Variants in RGS22 observed in about 807,000 individuals in gnomAD.
RGS22 encodes regulator of G protein signaling 22.
Under a neutral mutation model 172.9 loss-of-function variants are expected in RGS22, and 148 were observed. The observed-to-expected ratio is 0.86, with a 90% CI of 0.75 to 0.98. The LOEUF is 0.98. Ranked by LOEUF, RGS22 falls within the 50% of genes least tolerant of loss-of-function variation. RGS22 has a pLI of 0.00. For synonymous variants in RGS22, 458 were observed against 480.2 expected (o/e 0.95, Z 0.60); for missense variants, 1,347 against 1,440.8 (o/e 0.93, Z 1.05).
intron 2 of RGS22, among the ~76,000 whole-genome samples, chr8:100,100,107 A>C (rs1017556633): frequency 5.9e-5 from 9 of 152,146 alleles, no homozygotes; most frequent in East Asian, 3.8e-4. Context: ...AGGACCCCCC[A>C]CAGACACTGA....
At chr8:99,973,528 G>A (rs1811596114) in intron 23 of RGS22, among the ~76,000 whole-genome samples, 1 of 152,084 alleles carries the variant, frequency 6.6e-6, no homozygotes, top group Admixed American at 6.6e-5. Flanking sequence ...ATGGTGGCAA[G>A]GGGAGGGAGA....
At chr8:99,967,456 T>C (rs1269136767) in intron 23 of RGS22, among the ~76,000 whole-genome samples, 1 of 152,012 alleles carries the variant, frequency 6.6e-6, no homozygotes, top group African/African-American at 2.4e-5. Context: ...CATCTCCAAG[T>C]AGCCCAGCAA....
intron 11 of RGS22, among the ~76,000 whole-genome samples, chr8:100,043,860 T>A (rs1820430476): frequency 6.6e-6 from 1 of 151,708 alleles, no homozygotes; most frequent in Non-Finnish European, 1.5e-5. Flanking sequence ...AAGAGAAGAC[T>A]CAAATTACTT....
chr8:99,981,054 C>T (rs1233347674), intron 22 of RGS22, among the ~76,000 whole-genome samples: 3 of 152,166 alleles, frequency 2.0e-5, no homozygotes, highest in Non-Finnish European at 4.4e-5. Context: ...TTTTTCCATG[C>T]TCAAGGGCAA....
intron 13 of RGS22, 93 bp downstream of exon 13, chr8:100,039,869 C>T (rs1819922182): frequency 2.9e-6 from 2 of 692,134 alleles, no homozygotes; most frequent in African/African-American, 1.9e-5. Context: ...ATTTTAACAT[C>T]AAATATAATT....
At position 100,063,599 on chromosome 8, in the gene RGS22, T is replaced by C; in HGVS notation, c.1169A>G (p.Glu390Gly). 1 of 1,614,084 alleles carries C rather than the reference T, an allele frequency of 6.2e-7. No homozygotes were observed. The highest frequency in any genetic ancestry group is 8.5e-7 in the Non-Finnish European group (1 of 1,179,992). Residue 390 changes from glutamate to glycine, a missense_variant, in exon 8 of 28, where the codon GAG becomes GGG. Glu to Gly is a moderately conservative substitution (Grantham distance 98). Coordinates refer to ENST00000360863, the MANE Select transcript of RGS22 (RefSeq NM_015668.5). Reference sequence around the variant, plus strand: ...CGCCCTGCTCTCTGGTCCAGCGCTCTCATTCTTTGAACTTAAACTTGTTTG... The same window carrying C: ...CGCCCTGCTCTCTGGTCCAGCGCTCCCATTCTTTGAACTTAAACTTGTTTG... ...IEQTSLSSKN[E>G]SAGPESRADW... is the part of the protein sequence containing the mutation.
chr8:100,090,141 C>T (rs1812464077), intron 3 of RGS22, among the ~76,000 whole-genome samples: 1 of 152,096 alleles, frequency 6.6e-6, no homozygotes, highest in Admixed American at 6.6e-5. Flanking sequence ...AGCACTAAAC[C>T]TGTGCCAGGC....
chr8:100,010,300 A>C (rs1816235741), intron 14 of RGS22, among the ~76,000 whole-genome samples: 1 of 152,136 alleles, frequency 6.6e-6, no homozygotes, highest in Admixed American at 6.5e-5. Context: ...ATCCTGGCCA[A>C]CATGGTGAAA....
At chr8:99,987,819 G>A (rs1444569987) in intron 20 of RGS22, among the ~76,000 whole-genome samples, 200 bp from the exon 21 acceptor site, 1 of 151,994 alleles carries the variant, frequency 6.6e-6, no homozygotes, top group Non-Finnish European at 1.5e-5. Flanking sequence ...AAAAAGAAAT[G>A]ACTAGATGAT....
At chr8:99,967,070 A>G (rs1810816907) in intron 23 of RGS22, among the ~76,000 whole-genome samples, 1 of 152,184 alleles carries the variant, frequency 6.6e-6, no homozygotes, top group Non-Finnish European at 1.5e-5. Flanking sequence ...CAGCCCACAG[A>G]GCATGAGCAG....
chr8:99,993,759 G>A (rs200407032), intron 20 of RGS22, among the ~76,000 whole-genome samples: 6 of 152,174 alleles, frequency 3.9e-5, no homozygotes, highest in South Asian at 2.1e-4. Context: ...TTCCTAACTC[G>A]TTTTATGAGG....
intron 10 of RGS22, among the ~76,000 whole-genome samples, chr8:100,047,816 A>G (rs1820883789): frequency 6.6e-6 from 1 of 152,218 alleles, no homozygotes; most frequent in Non-Finnish European, 1.5e-5. Context: ...AAAAAGGAAG[A>G]GCAAAAGGCT....
chr8:100,019,480 T>G (rs981796508), intron 14 of RGS22, among the ~76,000 whole-genome samples: 33 of 152,230 alleles, frequency 2.2e-4, no homozygotes, highest in Admixed American at 2.1e-3. Flanking sequence ...AAGTGAAATG[T>G]AAAACTTTGG....
intron 22 of RGS22, among the ~76,000 whole-genome samples, chr8:99,979,577 C>G (rs1195902846): frequency 6.6e-6 from 1 of 152,142 alleles, no homozygotes. Context: ...GTGATGCAAA[C>G]TTTCAGGCTA....
At chr8:100,040,956 T>TAA (rs562310749) in intron 12 of RGS22, among the ~76,000 whole-genome samples, 2 of 148,650 alleles carry the variant, frequency 1.3e-5, no homozygotes, top group East Asian at 2.0e-4. Context: ...CATTACAAAC[T>TAA]AAAAAAAAAA....
At chr8:99,970,904 C>T (rs916044268) in intron 23 of RGS22, among the ~76,000 whole-genome samples, 2 of 151,982 alleles carry the variant, frequency 1.3e-5, no homozygotes, top group Non-Finnish European at 2.9e-5. Flanking sequence ...CCTGATACCA[C>T]AACTGGCAGA....
chr8:100,063,339 C>T (rs1385395873), intron 8 of RGS22, 77 bp downstream of exon 8: 2 of 1,043,630 alleles, frequency 1.9e-6, no homozygotes, highest in African/African-American at 3.3e-5. Context: ...TTTGGGCTTT[C>T]TCCCTGTGCT....
intron 6 of RGS22, among the ~76,000 whole-genome samples, chr8:100,066,505 A>G (rs1333286370): frequency 6.6e-6 from 1 of 152,048 alleles, no homozygotes. Context: ...TTTTTTTCAT[A>G]TTTGATAACC....
chr8:100,041,328 A>C (rs1360553502), intron 12 of RGS22, among the ~76,000 whole-genome samples: 1 of 152,062 alleles, frequency 6.6e-6, no homozygotes, highest in Non-Finnish European at 1.5e-5. Context: ...ATCTCTACTA[A>C]AAATACAGAA....
Sources: allele counts gnomAD v4.1 joint callset (sites outside exome capture counted in the v4.1 genomes callset), GRCh38; gene constraint gnomAD v4.1.1; transcripts MANE v1.5; gene names NCBI Gene and HGNC (gene_info 2026-07-23, HGNC 2026-07-21).